Variants in TTLL5 observed in about 807,000 individuals in gnomAD.
TTLL5 encodes tubulin tyrosine ligase like 5.
A neutral mutation model predicts 168.4 loss-of-function variants in TTLL5; 132 were observed. The ratio of observed to expected loss-of-function variants is 0.78; its 90% CI spans 0.68 to 0.91. The LOEUF is 0.91. Ranked by LOEUF, TTLL5 falls within the 40% of genes least tolerant of loss-of-function variation. The pLI, the probability that TTLL5 is intolerant of heterozygous loss-of-function variation, is 0.00. For synonymous variants in TTLL5, 546 were observed against 558.6 expected (o/e 0.98, Z 0.32); for missense variants, 1,545 against 1,581.5 (o/e 0.98, Z 0.39).
chr14:75,702,736 T>C (rs1886367216), intron 7 of TTLL5, among the ~76,000 whole-genome samples: 1 of 152,134 alleles, frequency 6.6e-6, no homozygotes, highest in African/African-American at 2.4e-5. Flanking sequence ...GGCTGAATCC[T>C]TTGAGACCCC....
intron 28 of TTLL5, among the ~76,000 whole-genome samples, chr14:75,843,178 C>G (rs142311877): frequency 4.7e-4 from 71 of 152,242 alleles, no homozygotes; most frequent in African/African-American, 1.7e-3. Flanking sequence ...GTAATAATCG[C>G]GTTTACTTGA....
intron 22 of TTLL5, among the ~76,000 whole-genome samples, chr14:75,775,968 A>G (rs1009427744): frequency 6.6e-6 from 1 of 152,210 alleles, no homozygotes; most frequent in African/African-American, 2.4e-5. Flanking sequence ...TTGGAGAACA[A>G]ATTTGAGCTG....
At position 75,775,603 on chromosome 14, in the gene TTLL5, G is replaced by A; in HGVS notation, c.2256G>A (p.Leu752=). 1 of 1,614,054 alleles carries A rather than the reference G, an allele frequency of 6.2e-7. No homozygotes were observed. Among genetic ancestry groups the A allele is most frequent in the African/African-American group, 1.3e-5 (1 of 75,018 alleles). The part of the protein sequence containing the change: ...LERRRILAHQ[L]GDFIIVYNKE... ...GCAGAAGAATCCTGGCCCACCAGCT[G>A]GGTGACTTTATCATTGTATACAACA... is the stretch of plus-strand genomic sequence containing the variant. Residue 752 remains leucine (L), a synonymous_variant, in exon 22 of 32, where the codon CTG becomes CTA. Coordinates refer to ENST00000298832, the MANE Select transcript of TTLL5 (RefSeq NM_015072.5).
chr14:75,883,120 A>T (rs2031907464), intron 30 of TTLL5, among the ~76,000 whole-genome samples: 1 of 152,234 alleles, frequency 6.6e-6, no homozygotes, highest in Non-Finnish European at 1.5e-5. Flanking sequence ...ACCCTGTGGG[A>T]GGGACAGGCC....
chr14:75,885,983 T>C (rs1416023186), intron 30 of TTLL5, among the ~76,000 whole-genome samples: 1 of 152,228 alleles, frequency 6.6e-6, no homozygotes, highest in Non-Finnish European at 1.5e-5. Context: ...TGGATCTTAC[T>C]GTGGCCTTTA....
intron 3 of TTLL5, among the ~76,000 whole-genome samples, chr14:75,671,241 T>C (rs1453251789): frequency 6.6e-6 from 1 of 152,222 alleles, no homozygotes; most frequent in Non-Finnish European, 1.5e-5. Context: ...TTATGGACTT[T>C]TAATATTTCA....
chr14:75,828,958 G>A (rs1214656348), intron 28 of TTLL5, among the ~76,000 whole-genome samples: 1 of 152,204 alleles, frequency 6.6e-6, no homozygotes, highest in Non-Finnish European at 1.5e-5. Flanking sequence ...TCTCCTCAGT[G>A]TGAGAGACTG....
At chr14:75,912,179 C>CT (rs556759048) in intron 31 of TTLL5, among the ~76,000 whole-genome samples, 88 of 146,972 alleles carry the variant, frequency 6.0e-4, no homozygotes, top group East Asian at 1.2e-3. Flanking sequence ...TGTTTCTCTC[C>CT]TTTTTTTTTT....
At chr14:75,851,516 C>G (rs1430322619) in intron 28 of TTLL5, among the ~76,000 whole-genome samples, 1 of 152,166 alleles carries the variant, frequency 6.6e-6, no homozygotes, top group African/African-American at 2.4e-5. Context: ...AGTGCCTGAA[C>G]CATTGCTTCT....
At chr14:75,922,655 AT>A (rs2033868273) in intron 31 of TTLL5, among the ~76,000 whole-genome samples, 1 of 152,204 alleles carries the variant, frequency 6.6e-6, no homozygotes, top group Non-Finnish European at 1.5e-5. Flanking sequence ...GGATTTTCGC[AT>A]AGATGTTCAT....
At chr14:75,930,023 A>G (rs2034222987) in intron 31 of TTLL5, among the ~76,000 whole-genome samples, 1 of 152,250 alleles carries the variant, frequency 6.6e-6, no homozygotes. Flanking sequence ...GCACCAAAGC[A>G]ATTAAGCAGA....
rs75121723 is a variant in TTLL5 at position 75,793,687 on chromosome 14, C to T, written c.3171+587C>T. On this transcript the variant is annotated intron_variant, in intron 27 of 31. Coordinates refer to ENST00000298832, the MANE Select transcript of TTLL5 (RefSeq NM_015072.5). ...TAGAAATAAATAACAGGATATTGTC[C>T]TTATGCTATATAGATATTAACAATC... is the stretch of plus-strand genomic sequence containing the variant. Among the ~76,000 whole-genome samples the T allele has an allele frequency of 8.3e-3, 1,265 of 152,224 alleles. 16 individuals are homozygous for T. Among genetic ancestry groups the T allele is most frequent in the African/African-American group, 0.029 (1,190 of 41,528 alleles).
At chr14:75,872,652 A>C (rs1338622541) in intron 29 of TTLL5, among the ~76,000 whole-genome samples, 2 of 152,162 alleles carry the variant, frequency 1.3e-5, no homozygotes, top group African/African-American at 4.8e-5. Flanking sequence ...GCTCACACCC[A>C]TAATCCCAGC....
chr14:75,792,310 C>T (rs1026265033), intron 26 of TTLL5, among the ~76,000 whole-genome samples: 2 of 150,834 alleles, frequency 1.3e-5, no homozygotes, highest in Non-Finnish European at 2.9e-5. Flanking sequence ...CAACATGGCA[C>T]ATGTATACAT....
intron 10 of TTLL5, among the ~76,000 whole-genome samples, chr14:75,719,532 G>A (rs1245532492): frequency 1.3e-5 from 2 of 152,054 alleles, no homozygotes; most frequent in Non-Finnish European, 2.9e-5. Context: ...AAGGCAAACT[G>A]TATGCATTTT....
Position 75,783,239 on chromosome 14 carries a change from C to T in TTLL5, c.2695C>T (p.His899Tyr). Residue 899 changes from histidine to tyrosine, a missense_variant, in exon 26 of 32, where the codon CAT becomes TAT. By Grantham distance (83) the His-to-Tyr change is moderately conservative. Coordinates refer to ENST00000298832, the MANE Select transcript of TTLL5 (RefSeq NM_015072.5). Reference sequence around the variant, plus strand: ...TACTCTGCAGAAAATTCCCAACACCCATTTGTCATCTGTTACAACCTCTGA... The same window carrying T: ...TACTCTGCAGAAAATTCCCAACACCTATTTGTCATCTGTTACAACCTCTGA... The part of the protein sequence containing the change: ...TATLQKIPNT[H>Y]LSSVTTSDLS... 9 of 1,614,180 alleles carry T rather than the reference C, an allele frequency of 5.6e-6. No individual in the cohort carries two copies. Among genetic ancestry groups the T allele is most frequent in the Non-Finnish European group, 7.6e-6 (9 of 1,180,032 alleles).
intron 7 of TTLL5, among the ~76,000 whole-genome samples, chr14:75,703,814 C>T (rs1285912247): frequency 6.6e-6 from 1 of 152,126 alleles, no homozygotes; most frequent in Non-Finnish European, 1.5e-5. Flanking sequence ...TCTCATTGCT[C>T]AACAAGTATT....
chr14:75,899,198 T>C (rs1361574910), intron 30 of TTLL5, among the ~76,000 whole-genome samples: 1 of 152,250 alleles, frequency 6.6e-6, no homozygotes, highest in African/African-American at 2.4e-5. Context: ...AAGGTAGGTC[T>C]TGTTATCCAG....
At chr14:75,667,325 G>A (rs1277338728) in intron 2 of TTLL5, among the ~76,000 whole-genome samples, 1 of 152,210 alleles carries the variant, frequency 6.6e-6, no homozygotes, top group Non-Finnish European at 1.5e-5. Flanking sequence ...GAGAACTTTG[G>A]ATAGTTTCCA....
Sources: allele counts gnomAD v4.1 joint callset (sites outside exome capture counted in the v4.1 genomes callset), GRCh38; gene constraint gnomAD v4.1.1; transcripts MANE v1.5; gene names NCBI Gene and HGNC (gene_info 2026-07-23, HGNC 2026-07-21).